SYN3: variants seen among roughly 807,000 people sequenced by gnomAD.
SYN3 encodes the protein synapsin III, also known as synapsin-3.
A neutral mutation model predicts 65.8 loss-of-function variants in SYN3; 35 were observed. The observed-to-expected ratio is 0.53, with a 90% CI of 0.41 to 0.70. SYN3 has a LOEUF of 0.70. Ranked by LOEUF, SYN3 falls within the 30% of genes least tolerant of loss-of-function variation. The pLI, the probability that SYN3 is intolerant of heterozygous loss-of-function variation, is 0.00. For missense variants in SYN3, 680 were observed against 749.0 expected, an observed-to-expected ratio of 0.91 and a Z score of 1.08; for synonymous variants, 270 against 292.9, an observed-to-expected ratio of 0.92 and a Z score of 0.80.
intron 7 of SYN3, among the ~76,000 whole-genome samples, chr22:32,548,523 C>T (rs902112249): frequency 4.6e-5 from 7 of 152,132 alleles, no homozygotes; most frequent in Admixed American, 4.6e-4. Flanking sequence ...CAGGCGCCCA[C>T]CACCATGCCC....
At chr22:32,682,351 G>C (rs978916826) in intron 6 of SYN3, among the ~76,000 whole-genome samples, 2 of 152,296 alleles carry the variant, frequency 1.3e-5, no homozygotes, top group South Asian at 2.1e-4. Flanking sequence ...ATCTTGAACA[G>C]AGGAGTGACA....
chr22:32,580,036 C>T (rs959846481), intron 7 of SYN3, among the ~76,000 whole-genome samples: 2 of 152,226 alleles, frequency 1.3e-5, no homozygotes, highest in African/African-American at 2.4e-5. Flanking sequence ...TTGTGTAGGG[C>T]AAAGGACAGG....
intron 1 of SYN3, among the ~76,000 whole-genome samples, chr22:33,039,400 G>A (rs1290002397): frequency 7.2e-6 from 1 of 138,360 alleles, no homozygotes; most frequent in African/African-American, 2.7e-5. Context: ...TTTTGAGACA[G>A]AGTCTCACTC....
Position 32,716,569 on chromosome 22 carries a change from C to G in SYN3, c.712-119833G>C, listed in dbSNP as rs118168386. On this transcript the variant is annotated intron_variant, in intron 6 of 13. Transcript: ENST00000358763. Reference sequence around the variant, plus strand: ...TTTTTGAGACAGATTCTCACTCTGTCACCCAAGCTGAAGTGCAGTGGCATG... The same window carrying G: ...TTTTTGAGACAGATTCTCACTCTGTGACCCAAGCTGAAGTGCAGTGGCATG... Among the ~76,000 whole-genome samples the G allele has an allele frequency of 1.5e-3, 221 of 152,208 alleles. 1 individual carries two copies. In the Middle Eastern group the frequency reaches 0.017, roughly 12 times the overall value.
intron 9 of SYN3, among the ~76,000 whole-genome samples, chr22:32,536,275 G>A (rs1260977886): frequency 6.6e-6 from 1 of 152,228 alleles, no homozygotes; most frequent in Non-Finnish European, 1.5e-5. Context: ...CAGCCTCCAA[G>A]AGACTCATTA....
rs57175071 is a variant in SYN3 at position 32,726,151 on chromosome 22, A to ATT, written c.712-129417_712-129416dup. Among the ~76,000 whole-genome samples, 853 of 150,122 alleles carry ATT rather than the reference A, an allele frequency of 5.7e-3. 7 individuals are homozygous for ATT. Among genetic ancestry groups the ATT allele is most frequent in the African/African-American group, 0.015 (628 of 40,880 alleles). On this transcript the variant is annotated intron_variant, in intron 6 of 13. Coordinates refer to ENST00000358763, the MANE Select transcript of SYN3 (RefSeq NM_003490.4). ...AACTAGTAATCCAGTATAGATTTTT[A>ATT]TTTTTTTTTTGAGATGAAGTCTCAC... is the stretch of plus-strand genomic sequence containing the variant.
chr22:32,652,533 T>C (rs2060087889), intron 6 of SYN3, among the ~76,000 whole-genome samples: 1 of 151,664 alleles, frequency 6.6e-6, no homozygotes, highest in Non-Finnish European at 1.5e-5. Context: ...AATGGTTATA[T>C]GCAACTAGGC....
At chr22:32,518,575 G>A (rs1183797157) in intron 12 of SYN3, 2 of 658,744 alleles carry the variant, frequency 3.0e-6, no homozygotes, top group Non-Finnish European at 5.5e-6. Context: ...AATGACACAG[G>A]ATACTGTTGA....
intron 13 of SYN3, among the ~76,000 whole-genome samples, chr22:32,515,627 G>A (rs2057757810): frequency 6.6e-6 from 1 of 152,194 alleles, no homozygotes; most frequent in Non-Finnish European, 1.5e-5. Context: ...TTTCTCTAGA[G>A]TGAGTCTTGC....
intron 6 of SYN3, among the ~76,000 whole-genome samples, chr22:32,605,471 C>T (rs1191512169): frequency 1.3e-5 from 2 of 152,146 alleles, no homozygotes; most frequent in Non-Finnish European, 2.9e-5. Context: ...TCTCTTGAGC[C>T]CTTAGTGTGT....
At chr22:32,951,556 T>C (rs2051290354) in intron 3 of SYN3, among the ~76,000 whole-genome samples, 1 of 152,210 alleles carries the variant, frequency 6.6e-6, no homozygotes, top group Non-Finnish European at 1.5e-5. Flanking sequence ...CCTAAAACAG[T>C]GCCTGTGCTC....
At chr22:32,569,256 A>AATCTAT (rs376331895) in intron 7 of SYN3, among the ~76,000 whole-genome samples, 5 of 140,990 alleles carry the variant, frequency 3.5e-5, no homozygotes, top group African/African-American at 1.3e-4. Flanking sequence ...ATGCATCCAA[A>AATCTAT]ATCTATCTAT....
chr22:32,871,985 C>T (rs2048862436), intron 4 of SYN3, among the ~76,000 whole-genome samples: 1 of 152,072 alleles, frequency 6.6e-6, no homozygotes, highest in Non-Finnish European at 1.5e-5. Context: ...GCCACACTGA[C>T]CACCTTCTCT....
intron 4 of SYN3, among the ~76,000 whole-genome samples, chr22:32,930,086 C>T (rs2050584636): frequency 6.6e-6 from 1 of 152,194 alleles, no homozygotes; most frequent in Non-Finnish European, 1.5e-5. Context: ...ATACAGTAGG[C>T]ACTCAATAAA....
At chr22:32,570,012 T>C (rs1021362538) in intron 7 of SYN3, among the ~76,000 whole-genome samples, 3 of 152,220 alleles carry the variant, frequency 2.0e-5, no homozygotes, top group African/African-American at 7.2e-5. Flanking sequence ...TTTCTGGGCA[T>C]GGACACCCCT....
intron 6 of SYN3, chr22:32,859,129 T>A (rs774192591): frequency 3.1e-6 from 5 of 1,599,778 alleles, no homozygotes. Flanking sequence ...GCCTCAGGCC[T>A]GGGCATACCA....
intron 1 of SYN3, among the ~76,000 whole-genome samples, chr22:33,038,932 C>T (rs73881942): frequency 0.022 from 3,322 of 152,282 alleles, 141 homozygotes; most frequent in African/African-American, 0.076. Context: ...GCTCCAAGTC[C>T]CTGGCACTCT....
intron 6 of SYN3, among the ~76,000 whole-genome samples, chr22:32,799,800 T>C (rs1467980944): frequency 6.6e-6 from 1 of 152,162 alleles, no homozygotes; most frequent in Admixed American, 6.5e-5. Flanking sequence ...TCCAGTCTCC[T>C]GAGACCCTAT....
chr22:32,806,263 C>T (rs532942473), intron 6 of SYN3, among the ~76,000 whole-genome samples: 2 of 152,136 alleles, frequency 1.3e-5, no homozygotes, highest in African/African-American at 4.8e-5. Flanking sequence ...GTCCCTTTCA[C>T]AGTCCCTGGA....
Sources: gnomAD v4.1 joint callset for allele counts (sites outside exome capture counted in the v4.1 genomes callset) on GRCh38, gnomAD v4.1.1 for gene constraint, MANE v1.5 for transcripts, NCBI Gene and HGNC (gene_info 2026-07-23, HGNC 2026-07-21) for gene names.